The following ATG5 variants were observed in gnomAD, a reference collection of about 807,000 sequenced individuals.
ATG5 encodes autophagy protein 5.
ATG5 carries 14 observed loss-of-function variants against 36.5 expected under a neutral mutation model. The ratio of observed to expected loss-of-function variants is 0.38; its 90% CI spans 0.25 to 0.60. The LOEUF (loss-of-function observed/expected upper bound fraction) is 0.60, where lower values mean the gene tolerates loss of function less well. Among genes scored for constraint, ATG5 ranks in the 20% least tolerant of loss-of-function variants. The pLI is 0.60. For synonymous variants in ATG5, 95 were observed against 101.5 expected, an observed-to-expected ratio of 0.94 and a Z score of 0.38; for missense variants, 195 against 326.7, an observed-to-expected ratio of 0.60 and a Z score of 3.11.
intron 5 of ATG5, among the ~76,000 whole-genome samples, chr6:106,255,394 T>C (rs571022466): frequency 5.3e-5 from 8 of 152,192 alleles, no homozygotes; most frequent in Non-Finnish European, 1.2e-4. Flanking sequence ...CAGTAAAAAC[T>C]AGCTACCTCA....
At chr6:106,246,409 C>G (rs1358341028) in intron 6 of ATG5, among the ~76,000 whole-genome samples, 6 of 150,628 alleles carry the variant, frequency 4.0e-5, no homozygotes, top group Non-Finnish European at 8.9e-5. Flanking sequence ...CACACACACA[C>G]ACACACACAC....
intron 6 of ATG5, among the ~76,000 whole-genome samples, chr6:106,214,607 CTTAT>C (rs1776971680): frequency 6.6e-6 from 1 of 152,058 alleles, no homozygotes; most frequent in African/African-American, 2.4e-5. Flanking sequence ...TATGTTTTGT[CTTAT>C]TTAAATTGTT....
At chr6:106,300,580 T>G (rs1349863923) in intron 3 of ATG5, among the ~76,000 whole-genome samples, 2 of 152,100 alleles carry the variant, frequency 1.3e-5, no homozygotes, top group Non-Finnish European at 2.9e-5. Context: ...CACAGTGTAC[T>G]TACACAAACC....
chr6:106,243,056 G>A (rs547174325), intron 6 of ATG5, among the ~76,000 whole-genome samples: 1 of 152,252 alleles, frequency 6.6e-6, no homozygotes, highest in Non-Finnish European at 1.5e-5. Context: ...AAGGTGCCAA[G>A]TTAATCCCTG....
At chr6:106,267,321 C>T (rs1779265213) in intron 5 of ATG5, among the ~76,000 whole-genome samples, 1 of 152,184 alleles carries the variant, frequency 6.6e-6, no homozygotes, top group South Asian at 2.1e-4. Context: ...CTACAAACCA[C>T]TGCTCAAGGA....
intron 7 of ATG5, among the ~76,000 whole-genome samples, chr6:106,186,933 GCTTA>G (rs924638169): frequency 5.7e-4 from 87 of 152,254 alleles, no homozygotes; most frequent in African/African-American, 2.0e-3. Context: ...TAATTACTGT[GCTTA>G]CTTAAGATTG....
intron 6 of ATG5, among the ~76,000 whole-genome samples, chr6:106,216,945 TC>T: frequency 6.7e-6 from 1 of 150,296 alleles, no homozygotes; most frequent in African/African-American, 2.4e-5. Context: ...AGATTATACT[TC>T]AAGTAAGCTG....
chr6:106,259,029 A>G (rs1778912214), intron 5 of ATG5, among the ~76,000 whole-genome samples: 1 of 152,228 alleles, frequency 6.6e-6, no homozygotes, highest in Non-Finnish European at 1.5e-5. Context: ...CTCAGTAACT[A>G]TTCTTTAAAA....
At chr6:106,248,337 G>C (rs1477058932) in intron 5 of ATG5, 93 bp from the exon 6 acceptor site, 2 of 793,202 alleles carry the variant, frequency 2.5e-6, no homozygotes, top group Non-Finnish European at 4.0e-6. Flanking sequence ...TATCCCTCTA[G>C]AAGTTTCTGA....
At chr6:106,240,736 A>G (rs554739288) in intron 6 of ATG5, among the ~76,000 whole-genome samples, 48 of 152,320 alleles carry the variant, frequency 3.2e-4, no homozygotes, top group African/African-American at 1.0e-3. Context: ...ACCTTAAAAA[A>G]AATACATATG....
chr6:106,311,908 G>A (rs1770659877), intron 2 of ATG5, among the ~76,000 whole-genome samples: 1 of 150,442 alleles, frequency 6.6e-6, no homozygotes, highest in Non-Finnish European at 1.5e-5. Flanking sequence ...TCGGCTCACT[G>A]CAACGTCTAC....
chr6:106,316,732 A>T (rs545117816), intron 1 of ATG5, among the ~76,000 whole-genome samples: 1 of 152,162 alleles, frequency 6.6e-6, no homozygotes, highest in Non-Finnish European at 1.5e-5. Context: ...CTACTCTCCC[A>T]TCTTAGAAAA....
At chr6:106,207,022 AC>A (rs1366201244) in intron 6 of ATG5, among the ~76,000 whole-genome samples, 2 of 152,206 alleles carry the variant, frequency 1.3e-5, no homozygotes, top group East Asian at 3.8e-4. Flanking sequence ...ATACCACAAT[AC>A]CTGATCTTGC....
chr6:106,285,672 T>C (rs961667993), intron 4 of ATG5, among the ~76,000 whole-genome samples: 1 of 152,244 alleles, frequency 6.6e-6, no homozygotes, highest in Non-Finnish European at 1.5e-5. Flanking sequence ...AATACTCAAC[T>C]AGGCTGTTGT....
intron 5 of ATG5, among the ~76,000 whole-genome samples, chr6:106,265,241 C>G (rs1161406109): frequency 6.7e-6 from 1 of 148,252 alleles, no homozygotes; most frequent in African/African-American, 2.5e-5. Flanking sequence ...CAACAAAGAT[C>G]AAAAAAGACA....
At chr6:106,247,486 G>C (rs898887492) in intron 6 of ATG5, among the ~76,000 whole-genome samples, 1 of 152,138 alleles carries the variant, frequency 6.6e-6, no homozygotes, top group African/African-American at 2.4e-5. Flanking sequence ...AAAACAAACA[G>C]ACTTAGTAAA....
At chr6:106,319,374 T>C (rs1770978597) in intron 1 of ATG5, among the ~76,000 whole-genome samples, 2 of 152,228 alleles carry the variant, frequency 1.3e-5, no homozygotes, top group Non-Finnish European at 2.9e-5. Context: ...GCTAATAATA[T>C]GCAATTTAGA....
At chr6:106,239,240 CA>C (rs1255370838) in intron 6 of ATG5, among the ~76,000 whole-genome samples, 1 of 149,712 alleles carries the variant, frequency 6.7e-6, no homozygotes, top group African/African-American at 2.5e-5. Context: ...GAAATGGAAA[CA>C]AAATAAAGAA....
chr6:106,248,734 T>C (rs1351288487), intron 5 of ATG5, among the ~76,000 whole-genome samples: 3 of 152,088 alleles, frequency 2.0e-5, no homozygotes, highest in East Asian at 1.9e-4. Flanking sequence ...AGGTCAGGCG[T>C]TCCTGACCAG....
Sources: gnomAD v4.1 joint callset for allele counts (sites outside exome capture counted in the v4.1 genomes callset) on GRCh38, gnomAD v4.1.1 for gene constraint, MANE v1.5 for transcripts, NCBI Gene and HGNC (gene_info 2026-07-23, HGNC 2026-07-21) for gene names.